The following NLRP11 variants were observed in gnomAD, a reference collection of about 807,000 sequenced individuals.
The protein encoded by NLRP11 is NLR family pyrin domain containing 11.
Under a neutral mutation model 79.3 loss-of-function variants are expected in NLRP11, and 53 were observed. The ratio of observed to expected loss-of-function variants is 0.67; its 90% confidence interval spans 0.54 to 0.84. The LOEUF is 0.84. Ranked by LOEUF, NLRP11 falls within the 40% of genes least tolerant of loss-of-function variation. The probability of loss-of-function intolerance (pLI) is 0.00; values close to 1 mark genes in which losing one functional copy is unlikely to be tolerated. For synonymous variants in NLRP11, 518 were observed against 462.6 expected (o/e 1.12, Z -1.54); for missense variants, 1,264 against 1,255.0 (o/e 1.01, Z -0.11).
intron 2 of NLRP11, among the ~76,000 whole-genome samples, chr19:55,817,566 A>G (rs1451806458): frequency 6.6e-6 from 1 of 152,098 alleles, no homozygotes; most frequent in Admixed American, 6.6e-5. Context: ...AAGTGAAGTA[A>G]CTCGGGAGTG....
At chr19:55,815,356 C>A (rs950413522) in intron 2 of NLRP11, among the ~76,000 whole-genome samples, 1 of 151,860 alleles carries the variant, frequency 6.6e-6, no homozygotes, top group East Asian at 1.9e-4. Context: ...TAGTGAAACC[C>A]CATCTCTACT....
intron 6 of NLRP11, among the ~76,000 whole-genome samples, chr19:55,793,194 T>A (rs938557760): frequency 2.6e-5 from 4 of 152,200 alleles, no homozygotes; most frequent in Admixed American, 6.5e-5. Context: ...CTCTATTTTT[T>A]TTAACCCGTT....
intron 9 of NLRP11, among the ~76,000 whole-genome samples, chr19:55,786,958 C>G (rs1175212347): frequency 6.6e-6 from 1 of 152,112 alleles, no homozygotes; most frequent in Non-Finnish European, 1.5e-5. Context: ...TTAGAGATGA[C>G]AAGGGAAAAC....
chr19:55,809,240 C>A lies in NLRP11; in HGVS notation c.1370G>T (p.Cys457Phe). 6.2e-7 allele frequency: 1 copy of A among 1,613,954 alleles called. No homozygotes were observed. The highest frequency in any genetic ancestry group is 8.5e-7 in the Non-Finnish European group (1 of 1,179,884). ...TGCCATCAGAAATGCAATGGCTGTA[C>A]AAAACTCCTGGACGTTCAAGTGTAT... Residue 457 changes from cysteine (C) to phenylalanine (F), a missense_variant, in exon 3 of 10, where the codon TGT (cysteine) becomes TTT (phenylalanine). Cys to Phe is a radical substitution (Grantham distance 205). Coordinates refer to ENST00000589093, the Ensembl canonical transcript of NLRP11. The surrounding 1 kb of genome is among the most constrained non-coding windows in gnomAD (Gnocchi z 4.5).
At chr19:55,792,359 C>T (rs1182832976) in exon 7 of NLRP11, 5 of 1,614,126 alleles carry the variant, frequency 3.1e-6, no homozygotes, top group Non-Finnish European at 3.4e-6. Context: ...TGCAACACTC[C>T]GTAATTTTTT....
At chr19:55,821,239 ACACACACACACCC>A (rs1233592704) in intron 1 of NLRP11, among the ~76,000 whole-genome samples, 1 of 128,242 alleles carries the variant, frequency 7.8e-6, no homozygotes, top group Non-Finnish European at 1.6e-5. Flanking sequence ...ACACACACAC[ACACACACACACCC>A]CAAGCACTGA....
In NLRP11 at chr19:55,829,504, A is replaced by G. The variant is rs572099931; in HGVS notation, c.-63+2459T>C. ...AACACAGTGAAGCCTTGTCTCTACT[A>G]AAAGTACAAAAAATTAGCCGGGCGT... On this transcript the variant is annotated intron_variant, in intron 1 of 9. Transcript: ENST00000589093. 8.5e-5 allele frequency among the ~76,000 whole-genome samples: 13 copies of G among 152,078 alleles called. No individual in the cohort carries two copies. The South Asian group carries it at 2.5e-3, about 29-fold the overall frequency.
chr19:55,795,747 C>G (rs540874461), intron 6 of NLRP11, among the ~76,000 whole-genome samples: 1 of 152,216 alleles, frequency 6.6e-6, no homozygotes, highest in Admixed American at 6.5e-5. Context: ...CTCGGCCTCC[C>G]AAAGTACTGG....
At chr19:55,831,431 G>A (rs747369166) in intron 1 of NLRP11, among the ~76,000 whole-genome samples, 15 of 152,020 alleles carry the variant, frequency 9.9e-5, no homozygotes, top group South Asian at 6.2e-4. Flanking sequence ...GTATGCTGGC[G>A]TGTGCCTGTC....
intron 7 of NLRP11, among the ~76,000 whole-genome samples, chr19:55,791,818 C>A (rs1953373904): frequency 6.6e-6 from 1 of 152,172 alleles, no homozygotes; most frequent in Non-Finnish European, 1.5e-5. Context: ...GCCATTGCAT[C>A]ATGCCTAAAT....
At chr19:55,791,410 A>G (rs1000363351) in intron 7 of NLRP11, among the ~76,000 whole-genome samples, 6 of 152,242 alleles carry the variant, frequency 3.9e-5, no homozygotes, top group Admixed American at 3.9e-4. Flanking sequence ...CATTTGTACC[A>G]AATTACAATG....
intron 1 of NLRP11, among the ~76,000 whole-genome samples, chr19:55,818,900 C>A (rs1156560416): frequency 1.3e-5 from 2 of 152,128 alleles, no homozygotes; most frequent in Non-Finnish European, 2.9e-5. Flanking sequence ...AGCCCACTGG[C>A]TTCAGACTCA....
At chr19:55,824,704 A>G (rs1332037057) in intron 1 of NLRP11, among the ~76,000 whole-genome samples, 2 of 106,704 alleles carry the variant, frequency 1.9e-5, no homozygotes, top group African/African-American at 1.4e-4. Context: ...TTCAACAAGA[A>G]GAGCTAACTA....
At chr19:55,806,260 A>G (rs1389920667) in intron 4 of NLRP11, among the ~76,000 whole-genome samples, 3 of 152,140 alleles carry the variant, frequency 2.0e-5, no homozygotes, top group Non-Finnish European at 2.9e-5. Flanking sequence ...CATGAACGAC[A>G]CCCACATTTT....
chr19:55,807,952 A>C, exon 4 of NLRP11: 1 of 1,611,104 alleles, frequency 6.2e-7, no homozygotes, highest in Non-Finnish European at 8.5e-7. Context: ...CAGCTCCCGG[A>C]GGCTCTCCAT....
At chr19:55,786,628 G>A (rs750144946) in intron 9 of NLRP11, among the ~76,000 whole-genome samples, 1 of 152,046 alleles carries the variant, frequency 6.6e-6, no homozygotes, top group African/African-American at 2.4e-5. Flanking sequence ...CACTTATTTT[G>A]TGCCCTCTCT....
chr19:55,835,884 G>C (rs548998908), upstream of NLRP11, among the ~76,000 whole-genome samples: 2 of 152,238 alleles, frequency 1.3e-5, no homozygotes, highest in African/African-American at 4.8e-5. Flanking sequence ...AGCACTTCGG[G>C]AGGCCGAGGC....
At chr19:55,819,262 A>AC (rs575154729) in intron 1 of NLRP11, among the ~76,000 whole-genome samples, 3 of 151,878 alleles carry the variant, frequency 2.0e-5, no homozygotes, top group Non-Finnish European at 4.4e-5. Context: ...AGGGACCCAC[A>AC]CACTGTAGCC....
At position 55,830,719 on chromosome 19, in the gene NLRP11, CTTT is replaced by C. The variant is rs199949753; in HGVS notation, c.-63+1241_-63+1243del. Among the ~76,000 whole-genome samples the C allele has an allele frequency of 8.1e-3, 1,097 of 135,584 alleles. 7 individuals are homozygous for C. The highest frequency in any genetic ancestry group is 0.03 in the Middle Eastern group (8 of 270). 88.9% of individuals were successfully genotyped at this position (135,584 alleles called of 152,430 possible). Reference sequence around the variant, plus strand: ...ACACTCATCTGACCACACTGCAATGCTTTTTAAGTTGGTTGCTGGAATTTGCTG... The same window carrying C: ...ACACTCATCTGACCACACTGCAATGCTTAAGTTGGTTGCTGGAATTTGCTG... On this transcript the variant is annotated intron_variant, in intron 1 of 9. Coordinates refer to ENST00000589093, the Ensembl canonical transcript of NLRP11.
Sources: allele counts gnomAD v4.1 joint callset (sites outside exome capture counted in the v4.1 genomes callset), GRCh38; gene constraint gnomAD v4.1.1; non-coding constraint Gnocchi (gnomAD v3.1); transcripts MANE v1.5; gene names NCBI Gene and HGNC (gene_info 2026-07-23, HGNC 2026-07-21).